HSPG2: variants seen among roughly 807,000 people sequenced by gnomAD.
HSPG2 encodes the protein heparan sulfate proteoglycan 2, also known as basement membrane-specific heparan sulfate proteoglycan core protein.
In HSPG2, 278 loss-of-function variants were observed where a neutral mutation model predicts 526.6. The ratio of observed to expected loss-of-function variants is 0.53; its 90% confidence interval spans 0.48 to 0.58. The LOEUF is 0.58. Among genes scored for constraint, HSPG2 ranks in the 20% least tolerant of loss-of-function variants. The pLI is 0.00. For missense variants in HSPG2, 5,354 were observed against 6,099.5 expected (o/e 0.88, Z 4.07); for synonymous variants, 2,465 against 2,555.4 (o/e 0.96, Z 1.07).
chr1:21,846,548 G>T lies in HSPG2; in HGVS notation c.8216C>A (p.Ala2739Asp), dbSNP rs1242227333. ...IRIESSSSHV[A>D]EGETLDLNCV... ...GTTCAGATCCAGGGTCTCCCCTTCG[G>T]CCACGTGTGAGGAGGATGACTCAAT... Residue 2739 changes from alanine (A) to aspartate (D), a missense_variant, in exon 63 of 97, where the codon GCC becomes GAC. Physicochemically the swap from Ala to Asp is moderately radical, Grantham distance 126. Coordinates refer to ENST00000374695, the MANE Select transcript of HSPG2 (RefSeq NM_005529.7). The T allele has an allele frequency of 1.9e-6, 3 of 1,613,610 alleles. No individual in the cohort carries two copies. The highest frequency in any genetic ancestry group is 2.7e-5 in the African/African-American group (2 of 74,946).
At chr1:21,835,433 G>T (rs948881802) in intron 76 of HSPG2, 107 bp downstream of exon 76, 1 of 774,106 alleles carries the variant, frequency 1.3e-6, no homozygotes, top group South Asian at 1.4e-5. Flanking sequence ...TCTTTATTCT[G>T]ACACATTTAG....
intron 1 of HSPG2, among the ~76,000 whole-genome samples, chr1:21,927,768 G>A (rs757898359): frequency 5.9e-5 from 9 of 152,170 alleles, no homozygotes; most frequent in African/African-American, 1.4e-4. Context: ...CTACAGCTGC[G>A]GCCTCGGTAG....
Position 21,872,757 on chromosome 1 carries a change from G to C in HSPG2, c.3892C>G (p.Gln1298Glu), listed in dbSNP as rs1393101824. The C allele has an allele frequency of 1.9e-6, 3 of 1,608,238 alleles. No individual in the cohort carries two copies. The change falls in exon 32 of 97, where the codon CAG becomes GAG. Residue 1298 changes from glutamine (Q) to glutamate (E), a missense_variant. Transcript: ENST00000374695. The surrounding 1 kb of genome is among the most constrained non-coding windows in gnomAD (Gnocchi z 5.5). The stretch of plus-strand genomic sequence containing the variant: ...TGGCTGCAAGTGAGGCCTTCCACCT[G>C]GGCCTGGGTAGACGGATGGAAGGAG... ...DAAGQCQCKA[Q>E]VEGLTCSHCR...
At chr1:21,896,099 C>G (rs913828875) in intron 2 of HSPG2, 76 bp downstream of exon 2, 15 of 1,608,698 alleles carry the variant, frequency 9.3e-6, no homozygotes, top group Non-Finnish European at 1.3e-5. Context: ...CGGTCACCCT[C>G]CTCCCCCATG....
In HSPG2 at chr1:21,872,511, T is replaced by A; in HGVS notation, c.4029+109A>T. 1 of 1,425,614 alleles carries A rather than the reference T, an allele frequency of 7.0e-7. No individual in the cohort carries two copies. The highest frequency in any genetic ancestry group is 9.7e-7 in the Non-Finnish European group (1 of 1,034,744). 88.3% of individuals were successfully genotyped at this position (1,425,614 alleles called of 1,614,324 possible). ...GACTGCGAGAGAAATAATGGGGGCA[T>A]GTGAGGGTACTGAGGCGGGGATGAG... On this transcript the variant is annotated intron_variant, in intron 32 of 96. Transcript: ENST00000374695. The surrounding 1 kb of genome is among the most constrained non-coding windows in gnomAD (Gnocchi z 5.5).
At position 21,843,654 on chromosome 1, in the gene HSPG2, C is replaced by CT. The variant is rs528103787; in HGVS notation, c.8617-217dup. On this transcript the variant is annotated intron_variant, in intron 65 of 96. Coordinates refer to ENST00000374695, the MANE Select transcript of HSPG2 (RefSeq NM_005529.7). ...AGCCTTGAGTAACAGGTGTCCTTTT[C>CT]TTTTTTTTTTGAGACAGTGTCTCGC... 5.8e-4 allele frequency among the ~76,000 whole-genome samples: 86 copies of CT among 149,436 alleles called. No individual in the cohort carries two copies. In the South Asian group the frequency reaches 0.015, roughly 27 times the overall value.
chr1:21,931,252 C>T lies in HSPG2; in HGVS notation c.63+5903G>A, dbSNP rs141419082. 3.6e-3 allele frequency among the ~76,000 whole-genome samples: 541 copies of T among 152,382 alleles called. 3 individuals are homozygous for T. The highest frequency in any genetic ancestry group is 7.9e-3 in the East Asian group (41 of 5,188). On this transcript the variant is annotated intron_variant, in intron 1 of 96. Transcript: ENST00000374695. ...AAGGCTGCTATTGACACAGCCCTGACGCCACCAGGCTGGGCAGTGAGGCCG... is the reference window on the plus strand; with the variant it reads ...AAGGCTGCTATTGACACAGCCCTGATGCCACCAGGCTGGGCAGTGAGGCCG...
chr1:21,835,504 C>T (rs1184511806), intron 76 of HSPG2, 36 bp downstream of exon 76: 5 of 1,395,982 alleles, frequency 3.6e-6, no homozygotes, highest in African/African-American at 1.4e-5. Flanking sequence ...ATCTCTGTTC[C>T]CTGCTCTTAG....
chr1:21,833,960 T>A (rs1327556682), intron 77 of HSPG2, 35 bp from the exon 78 acceptor site: 1 of 1,418,648 alleles, frequency 7.0e-7, no homozygotes, highest in South Asian at 1.2e-5. Context: ...GCCATCAACA[T>A]GACAGTCACA....
intron 33 of HSPG2, among the ~76,000 whole-genome samples, chr1:21,871,193 A>C (rs1572299606): frequency 1.5e-5 from 2 of 132,322 alleles, no homozygotes; most frequent in South Asian, 2.4e-4. Context: ...CATCATCACC[A>C]CCTTTCCACC....
chr1:21,877,914 G>T (rs896016435), intron 21 of HSPG2, among the ~76,000 whole-genome samples: 2 of 152,200 alleles, frequency 1.3e-5, no homozygotes, highest in Admixed American at 6.5e-5. Flanking sequence ...GACAAAGTAT[G>T]GCAAAAGCAA....
chr1:21,888,286 CCA>C (rs1405789853), intron 6 of HSPG2, among the ~76,000 whole-genome samples: 1 of 152,184 alleles, frequency 6.6e-6, no homozygotes, highest in African/African-American at 2.4e-5. Flanking sequence ...AAAACAGACC[CCA>C]CACACAGTTG....
chr1:21,875,069 C>T, intron 25 of HSPG2, 67 bp from the exon 26 acceptor site: 2 of 1,172,934 alleles, frequency 1.7e-6, no homozygotes, highest in South Asian at 2.6e-5. Context: ...TGGAGTCCTC[C>T]ACTGGCAGGG....
intron 33 of HSPG2, chr1:21,869,788 T>C: frequency 3.3e-6 from 3 of 919,442 alleles, no homozygotes; most frequent in Non-Finnish European, 2.6e-6. Flanking sequence ...TCACAAGTGC[T>C]GATACCTGGC....
chr1:21,894,448 C>T (rs2152771192), intron 3 of HSPG2, among the ~76,000 whole-genome samples: 1 of 152,272 alleles, frequency 6.6e-6, no homozygotes, highest in East Asian at 1.9e-4. Flanking sequence ...GCCCAGCTGC[C>T]TGGACCTGCC....
chr1:21,823,287 C>T lies in HSPG2; in HGVS notation c.*29G>A, dbSNP rs1291430854. The T allele has an allele frequency of 1.3e-6, 2 of 1,489,962 alleles. No individual in the cohort carries two copies. The highest frequency in any genetic ancestry group is 2.5e-5 in the East Asian group (1 of 40,292). The allele number at this position is 1,489,962 out of a possible 1,614,324, so 92.3% of individuals were successfully genotyped here. A position where few individuals can be genotyped will look rare whatever the true frequency, so the allele number is the denominator to read the frequency against. Reference sequence around the variant, plus strand: ...CGACATTGTCGGGCTGGGGCGTGGCCCGGGAGTCCGTGTGGGGCAGGCAGG... The same window carrying T: ...CGACATTGTCGGGCTGGGGCGTGGCTCGGGAGTCCGTGTGGGGCAGGCAGG... On this transcript the variant is annotated 3_prime_UTR_variant, in exon 97 of 97. Coordinates refer to ENST00000374695, the MANE Select transcript of HSPG2 (RefSeq NM_005529.7).
chr1:21,850,162 T>C lies in HSPG2; in HGVS notation c.7325A>G (p.Glu2442Gly), dbSNP rs368099949. 1 of 1,613,368 alleles carries C rather than the reference T, an allele frequency of 6.2e-7. No homozygotes were observed. Among genetic ancestry groups the C allele is most frequent in the Non-Finnish European group, 8.5e-7 (1 of 1,180,034 alleles). ...ALGVTPTVRI[E>G]SSSSQVAEGQ... ...CTCGGCCACTTGCGAAGACGATGAC[T>C]CGATCCGGACCGTGGGGGTGACCCC... Residue 2442 changes from glutamate to glycine, a missense_variant, in exon 57 of 97, where the codon GAG becomes GGG. By Grantham distance (98) the Glu-to-Gly change is moderately conservative. Transcript: ENST00000374695.
At chr1:21,921,655 G>A (rs1292655697) in intron 1 of HSPG2, among the ~76,000 whole-genome samples, 7 of 152,194 alleles carry the variant, frequency 4.6e-5, no homozygotes, top group Non-Finnish European at 8.8e-5. Context: ...TCATTAACCA[G>A]CGCAGAGCCA....
intron 1 of HSPG2, among the ~76,000 whole-genome samples, chr1:21,907,087 TC>T (rs1643419337): frequency 6.6e-6 from 1 of 152,044 alleles, no homozygotes; most frequent in Non-Finnish European, 1.5e-5. Context: ...GAGCCTTCCC[TC>T]CCTGGCCATC....
Sources: allele counts gnomAD v4.1 joint callset (sites outside exome capture counted in the v4.1 genomes callset), GRCh38; gene constraint gnomAD v4.1.1; non-coding constraint Gnocchi (gnomAD v3.1); transcripts MANE v1.5; gene names NCBI Gene and HGNC (gene_info 2026-07-23, HGNC 2026-07-21).